TRMT44: variants seen among roughly 807,000 people sequenced by gnomAD.
TRMT44 encodes the protein tRNA methyltransferase 44 homolog, also known as probable tRNA (uracil-O(2)-)-methyltransferase.
In TRMT44, 78 loss-of-function variants were observed where a neutral mutation model predicts 77.3. The ratio of observed to expected loss-of-function variants is 1.01; its 90% CI spans 0.84 to 1.22. The LOEUF (loss-of-function observed/expected upper bound fraction) is 1.22, where lower values mean the gene tolerates loss of function less well. Among genes scored for constraint, TRMT44 ranks in the 50% most tolerant of loss-of-function variants. TRMT44 has a pLI of 0.00. For synonymous variants in TRMT44, 391 were observed against 383.3 expected, an observed-to-expected ratio of 1.02 and a Z score of -0.23; for missense variants, 1,090 against 964.4, an observed-to-expected ratio of 1.13 and a Z score of -1.73.
In TRMT44 at chr4:8,482,795, C is replaced by T. The variant is rs12642784; in HGVS notation, n.3891+3262C>T. Among the ~76,000 whole-genome samples the T allele has an allele frequency of 1.5e-3, 233 of 151,726 alleles. 7 individuals carry two copies. In the East Asian group the frequency reaches 0.039, roughly 25 times the overall value. On this transcript the variant is annotated intron_variant and non_coding_transcript_variant, in intron 2 of 2. Coordinates refer to the TRMT44 transcript ENST00000511366. Reference sequence around the variant, plus strand: ...TTCAGGCCATCTGGGCATATACGTGCAAGTCACAGGGGATGCGATGGCTTG... The same window carrying T: ...TTCAGGCCATCTGGGCATATACGTGTAAGTCACAGGGGATGCGATGGCTTG...
At chr4:8,464,160 A>C in intron 7 of TRMT44, 69 bp downstream of exon 7, 1 of 1,298,060 alleles carries the variant, frequency 7.7e-7, no homozygotes. Flanking sequence ...TGGTGTCCAA[A>C]AGGGTAGCCA....
At position 8,442,363 on chromosome 4, in the gene TRMT44, C is replaced by A. The variant is rs185902076; in HGVS notation, c.619+922C>A. Among the ~76,000 whole-genome samples, 226 of 152,322 alleles carry A rather than the reference C, an allele frequency of 1.5e-3. 2 individuals are homozygous for A. Among genetic ancestry groups the A allele is most frequent in the Admixed American group, 0.014 (208 of 15,304 alleles). On this transcript the variant is annotated intron_variant, in intron 1 of 10. Coordinates refer to ENST00000389737, the MANE Select transcript of TRMT44 (RefSeq NM_152544.3). ...TGGATGGGAACCTACTAGTCCTCAG[C>A]GTTCGTTAAATCTCTGGCATTTATT...
rs774763941 is a variant in TRMT44 at position 8,452,256 on chromosome 4, G to A, written c.1023+228G>A. Among the ~76,000 whole-genome samples the A allele has an allele frequency of 2.6e-5, 4 of 152,324 alleles. No homozygotes were observed. The highest frequency in any genetic ancestry group is 2.1e-4 in the South Asian group (1 of 4,828). On this transcript the variant is annotated intron_variant, in intron 4 of 10. Coordinates refer to ENST00000389737, the MANE Select transcript of TRMT44 (RefSeq NM_152544.3). The surrounding 1 kb of genome is among the most constrained non-coding windows in gnomAD (Gnocchi z 5.7). ...TCGGGTTCCAACTTGACCTGCAGGC[G>A]GAACTGTACGTCCACACTCAGCAGT...
intron 2 of TRMT44, among the ~76,000 whole-genome samples, chr4:8,489,599 C>T (rs1022302737): frequency 2.6e-5 from 4 of 152,202 alleles, no homozygotes; most frequent in Non-Finnish European, 5.9e-5. Context: ...GCCTCAGCCT[C>T]CCGAGTGGCT....
At position 8,468,278 on chromosome 4, in the gene TRMT44, T is replaced by C. The variant is rs774035564; in HGVS notation, c.1859T>C (p.Leu620Pro). The C allele has an allele frequency of 1.7e-5, 28 of 1,614,244 alleles. No homozygotes were observed. In the East Asian group the frequency reaches 3.3e-4, roughly 19 times the overall value. ...DQVVLQVANL[L>P]LGGKQLNTRS... Reference sequence around the variant, plus strand: ...GTGGTTTTGCAAGTAGCGAATTTACTGTTAGGTGGAAAGCAATTAAACACA... The same window carrying C: ...GTGGTTTTGCAAGTAGCGAATTTACCGTTAGGTGGAAAGCAATTAAACACA... Residue 620 changes from leucine (L) to proline (P), a missense_variant, in exon 9 of 11, where the codon CTG (leucine) becomes CCG (proline). By Grantham distance (98) the Leu-to-Pro change is moderately conservative. Coordinates refer to ENST00000389737, the MANE Select transcript of TRMT44 (RefSeq NM_152544.3).
chr4:8,441,167 A>T lies in TRMT44; in HGVS notation c.345A>T (p.Glu115Asp). 6.5e-7 allele frequency: 1 copy of T among 1,529,782 alleles called. No individual in the cohort carries two copies. The highest frequency in any genetic ancestry group is 8.8e-7 in the Non-Finnish European group (1 of 1,142,620). The allele number at this position is 1,529,782 out of a possible 1,614,324, so 94.8% of individuals were successfully genotyped here. ...GCCAGCAAGAGGAGGCACAGAGGGA[A>T]GCCGCCTCAGTGCCCCTGAGGGACT... ...GQCQQEEAQR[E>D]AASVPLRDSG... Residue 115 changes from glutamate (E) to aspartate (D), a missense_variant, in exon 1 of 11, where the codon GAA (glutamate) becomes GAT (aspartate). By Grantham distance (45) the Glu-to-Asp change is conservative. Transcript: ENST00000389737.
rs985302701 is a variant in TRMT44 at position 8,443,928 on chromosome 4, C to G, written c.619+2487C>G. 2.6e-5 allele frequency among the ~76,000 whole-genome samples: 4 copies of G among 151,432 alleles called. No individual in the cohort carries two copies. The East Asian group carries it at 7.7e-4, about 29-fold the overall frequency. Reference sequence around the variant, plus strand: ...TGAACCAAGATTGTGCCACTGCATTCCAGCCTGGGCAGCAGACGGGGACTC... The same window carrying G: ...TGAACCAAGATTGTGCCACTGCATTGCAGCCTGGGCAGCAGACGGGGACTC... On this transcript the variant is annotated intron_variant, in intron 1 of 10. Transcript: ENST00000389737.
In TRMT44 at chr4:8,440,891, G is replaced by T; in HGVS notation, c.69G>T (p.Ala23=). 6.5e-7 allele frequency: 1 copy of T among 1,528,736 alleles called. No individual in the cohort carries two copies. The allele number at this position is 1,528,736 out of a possible 1,614,324, so 94.7% of individuals were successfully genotyped here. A position where few individuals can be genotyped will look rare whatever the true frequency, so the allele number is the denominator to read the frequency against. The change falls in exon 1 of 11, where the codon GCG becomes GCT. Residue 23 remains alanine (A), a synonymous_variant. Coordinates refer to ENST00000389737, the MANE Select transcript of TRMT44 (RefSeq NM_152544.3). ...GALLPQGFWA[A]VEVWLERPQV... is the part of the protein sequence containing the mutation. ...TTCTCCCACAGGGCTTCTGGGCTGC[G>T]GTCGAAGTGTGGCTGGAGAGGCCGC...
chr4:8,489,089 G>A (rs184502102), intron 2 of TRMT44, among the ~76,000 whole-genome samples: 11 of 152,328 alleles, frequency 7.2e-5, no homozygotes, highest in East Asian at 5.8e-4. Context: ...TGTGTCATCC[G>A]GCAACTCAGG....
chr4:8,449,500 A>G (rs1023990017), intron 2 of TRMT44, among the ~76,000 whole-genome samples, 169 bp from the exon 3 acceptor site: 15 of 152,296 alleles, frequency 9.8e-5, no homozygotes, highest in African/African-American at 2.9e-4. Context: ...TGCTTTTTAC[A>G]TGTTTTTCTC....
chr4:8,515,197 G>C, the TRMT44 span, among the ~76,000 whole-genome samples: 1 of 152,110 alleles, frequency 6.6e-6, no homozygotes, highest in Non-Finnish European at 1.5e-5. Flanking sequence ...GAAATCCTGA[G>C]CTCAAGCAAT....
At chr4:8,449,949 C>CTTTT (rs745915221) in intron 3 of TRMT44, 61 bp downstream of exon 3, 467 of 238,570 alleles carry the variant, frequency 2.0e-3, no homozygotes, top group South Asian at 3.1e-3. Flanking sequence ...CTTTTCTTTT[C>CTTTT]TTTTTTTTTT....
chr4:8,470,935 G>A (rs2109178617), intron 9 of TRMT44, 149 bp from the exon 10 acceptor site: 3 of 612,558 alleles, frequency 4.9e-6, no homozygotes, highest in East Asian at 5.8e-5. Context: ...GCGGTGTGGT[G>A]TGGGTTAGGT....
At chr4:8,471,443 C>CT (rs1462760899) in intron 10 of TRMT44, among the ~76,000 whole-genome samples, 2 of 152,366 alleles carry the variant, frequency 1.3e-5, no homozygotes, top group East Asian at 1.9e-4. Flanking sequence ...GCTGGTCTCT[C>CT]TCCCCCTATG....
Position 8,441,043 on chromosome 4 carries a change from C to A in TRMT44, c.221C>A (p.Pro74His). Residue 74 changes from proline to histidine, a missense_variant, in exon 1 of 11, where the codon CCC (proline) becomes CAC (histidine). Transcript: ENST00000389737. ...GSEQKERGPG[P>H]GQGSPGGGPG... ...GAGCAGAAGGAGCGGGGTCCGGGAC[C>A]CGGCCAGGGTTCCCCCGGAGGGGGC... The A allele has an allele frequency of 6.7e-7, 1 of 1,490,652 alleles. No homozygotes were observed. The highest frequency in any genetic ancestry group is 8.9e-7 in the Non-Finnish European group (1 of 1,127,116). The allele number at this position is 1,490,652 out of a possible 1,614,324, so 92.3% of individuals were successfully genotyped here.
chr4:8,458,502 C>T (rs188523465), intron 6 of TRMT44, among the ~76,000 whole-genome samples: 5 of 141,144 alleles, frequency 3.5e-5, no homozygotes, highest in East Asian at 2.0e-4. Context: ...CTTGCTCTGT[C>T]GCCCAGGCTG....
chr4:8,459,156 T>C (rs1052338352), intron 6 of TRMT44, among the ~76,000 whole-genome samples: 1 of 152,146 alleles, frequency 6.6e-6, no homozygotes, highest in African/African-American at 2.4e-5. Flanking sequence ...GAGCCAAGAT[T>C]GTGCCACTGC....
rs2109098134 is a variant in TRMT44 at position 8,449,844 on chromosome 4, A to G, written c.910A>G (p.Lys304Glu). 6.5e-7 allele frequency: 1 copy of G among 1,535,708 alleles called. No homozygotes were observed. Among genetic ancestry groups the G allele is most frequent in the East Asian group, 2.4e-5 (1 of 40,898 alleles). Residue 304 changes from lysine to glutamate, a missense_variant, in exon 3 of 11, where the codon AAG (lysine) becomes GAG (glutamate). Lys to Glu is a moderately conservative substitution (Grantham distance 56). Transcript: ENST00000389737. ...LSLISIMKYS[K>E]AYQELKEKYK... ...CCTCATCTCCATTATGAAGTATAGC[A>G]AGGCTTACCAGGAACTTAAAGAGAA...
At chr4:8,502,093 G>C in the TRMT44 span, among the ~76,000 whole-genome samples, 19 of 152,354 alleles carry the variant, frequency 1.2e-4, no homozygotes, top group African/African-American at 4.3e-4. Flanking sequence ...GGTTCTGTGA[G>C]TCATAACGTG....
Sources: gnomAD v4.1 joint callset for allele counts (sites outside exome capture counted in the v4.1 genomes callset) on GRCh38, gnomAD v4.1.1 for gene constraint, Gnocchi (gnomAD v3.1) non-coding constraint, MANE v1.5 for transcripts, NCBI Gene and HGNC (gene_info 2026-07-23, HGNC 2026-07-21) for gene names.